The following MAPK10 variants were observed in gnomAD, a reference collection of about 807,000 sequenced individuals.
MAPK10 encodes JNK3 alpha protein kinase.
Under a neutral mutation model 59.3 loss-of-function variants are expected in MAPK10, and 25 were observed. The ratio of observed to expected loss-of-function variants is 0.42; its 90% CI spans 0.31 to 0.59. The LOEUF is 0.59. MAPK10 is among the 20% of genes least tolerant of loss of function. The pLI is 0.15. For missense variants in MAPK10, 351 were observed against 568.9 expected (o/e 0.62, Z 3.90); for synonymous variants, 190 against 200.5 (o/e 0.95, Z 0.44).
chr4:86,037,466 G>A (rs1393116556), intron 11 of MAPK10, among the ~76,000 whole-genome samples: 2 of 151,682 alleles, frequency 1.3e-5, no homozygotes, highest in Admixed American at 1.3e-4. Context: ...CTTGCAGTGA[G>A]CCAAGATCAC....
chr4:86,250,227 T>C (rs77095599), intron 2 of MAPK10, among the ~76,000 whole-genome samples: 10,017 of 152,226 alleles, frequency 0.066, 1,120 homozygotes, highest in African/African-American at 0.23. Flanking sequence ...ATTAAATAAA[T>C]CTGTTTGTCT....
At chr4:86,447,907 C>T (rs1750232871) in intron 1 of MAPK10, among the ~76,000 whole-genome samples, 1 of 152,042 alleles carries the variant, frequency 6.6e-6, no homozygotes, top group African/African-American at 2.4e-5. Context: ...AATGTGTAGC[C>T]TAATGAGAGA....
intron 1 of MAPK10, among the ~76,000 whole-genome samples, chr4:86,536,750 T>C (rs1025767277): frequency 4.6e-5 from 7 of 152,256 alleles, no homozygotes; most frequent in Non-Finnish European, 8.8e-5. Flanking sequence ...TGATTTGATA[T>C]AAGTAAAATT....
chr4:86,298,171 T>C (rs893925937), intron 2 of MAPK10, among the ~76,000 whole-genome samples: 2 of 152,146 alleles, frequency 1.3e-5, no homozygotes, highest in Admixed American at 6.5e-5. Flanking sequence ...TCCACAGCAA[T>C]CCAGATTACC....
At chr4:86,285,882 G>A (rs1469200497) in intron 2 of MAPK10, among the ~76,000 whole-genome samples, 1 of 152,186 alleles carries the variant, frequency 6.6e-6, no homozygotes. Context: ...GAGCTCCAAT[G>A]TCTGAGGGCA....
chr4:86,092,620 G>GATAT (rs34886510), intron 9 of MAPK10, among the ~76,000 whole-genome samples: 12 of 148,890 alleles, frequency 8.1e-5, no homozygotes, highest in Non-Finnish European at 1.5e-4. Context: ...ATATATTAGT[G>GATAT]ATATATATAT....
At chr4:86,559,690 C>T (rs7659829) in intron 1 of MAPK10, among the ~76,000 whole-genome samples, 149,770 of 152,264 alleles carry the variant, frequency 0.98, 73,710 homozygotes, top group East Asian at 1. Context: ...CCCAGCACTT[C>T]GGGAGGCCAA....
At chr4:86,321,242 C>A (rs1451113925) in intron 2 of MAPK10, among the ~76,000 whole-genome samples, 1 of 151,952 alleles carries the variant, frequency 6.6e-6, no homozygotes, top group African/African-American at 2.4e-5. Context: ...TGGGTATATA[C>A]CCAAAGGACT....
chr4:86,474,620 C>T (rs942883612), intron 1 of MAPK10, among the ~76,000 whole-genome samples: 14 of 152,176 alleles, frequency 9.2e-5, no homozygotes, highest in African/African-American at 3.4e-4. Context: ...CATCATCATA[C>T]TTAACCACTT....
intron 1 of MAPK10, among the ~76,000 whole-genome samples, chr4:86,410,086 G>C (rs1744937817): frequency 6.6e-6 from 1 of 152,110 alleles, no homozygotes; most frequent in Non-Finnish European, 1.5e-5. Flanking sequence ...TCAATACCTA[G>C]TTTATTGAGA....
intron 9 of MAPK10, among the ~76,000 whole-genome samples, chr4:86,085,719 T>C (rs1423350253): frequency 6.6e-6 from 1 of 152,152 alleles, no homozygotes; most frequent in Non-Finnish European, 1.5e-5. Flanking sequence ...AGCTACCATA[T>C]GATCTGGCAA....
At chr4:86,248,672 C>T (rs2093253504) in intron 2 of MAPK10, among the ~76,000 whole-genome samples, 1 of 152,126 alleles carries the variant, frequency 6.6e-6, no homozygotes, top group Non-Finnish European at 1.5e-5. Flanking sequence ...CTCTTCTTGC[C>T]CACCTAAACT....
chr4:86,214,573 G>C (rs28839895), intron 2 of MAPK10, among the ~76,000 whole-genome samples: 21,168 of 143,252 alleles, frequency 0.15, 1,543 homozygotes, highest in Middle Eastern at 0.19. Context: ...AAAGCAGCAG[G>C]ATACAAAGTT....
intron 2 of MAPK10, among the ~76,000 whole-genome samples, chr4:86,261,574 C>G (rs1286839668): frequency 6.6e-6 from 1 of 152,108 alleles, no homozygotes; most frequent in Non-Finnish European, 1.5e-5. Context: ...GGAAGTATGT[C>G]AAATATGCTA....
rs753508493 is a variant in MAPK10 at position 86,550,374 on chromosome 4, T to TAAAAAAAAAAA, written c.-263+43525_-263+43535dup. ...CAGAAGGGCTAAGCAGAGCTTCAGT[T>TAAAAAAAAAAA]AAAAAAAAAAAAAAAAAAAAAAAAA... On this transcript the variant is annotated intron_variant, in intron 1 of 4. Transcript: ENST00000502302. Among the ~76,000 whole-genome samples the TAAAAAAAAAAA allele has an allele frequency of 2.8e-4, 22 of 77,388 alleles. 4 individuals carry two copies. The highest frequency in any genetic ancestry group is 3.7e-4 in the Non-Finnish European group (16 of 43,320). The allele number at this position is 77,388 out of a possible 152,430, so 50.8% of individuals were successfully genotyped here.
chr4:86,028,349 C>T (rs1461632749), intron 13 of MAPK10: 1 of 152,176 alleles, frequency 6.6e-6, no homozygotes, highest in East Asian at 1.9e-4. Context: ...AACCGAATTG[C>T]ATCTGTTTGG....
At chr4:86,457,052 A>G (rs972995972), upstream of MAPK10, among the ~76,000 whole-genome samples, 3 of 152,236 alleles carry the variant, frequency 2.0e-5, no homozygotes, top group African/African-American at 7.2e-5. Flanking sequence ...ATCAAAAACA[A>G]AAATCACAAA....
upstream of MAPK10, among the ~76,000 whole-genome samples, chr4:86,362,203 A>G (rs754845937): frequency 9.2e-5 from 14 of 152,162 alleles, no homozygotes; most frequent in Non-Finnish European, 2.1e-4. Flanking sequence ...TTTAAAAGTG[A>G]ATGTCCAGTA....
At chr4:86,219,789 T>G (rs955590648) in intron 2 of MAPK10, 3 of 152,126 alleles carry the variant, frequency 2.0e-5, no homozygotes, top group African/African-American at 7.2e-5. Flanking sequence ...AATATCAATA[T>G]TCTTACATTC....
Sources: gnomAD v4.1 joint callset for allele counts (sites outside exome capture counted in the v4.1 genomes callset) on GRCh38, gnomAD v4.1.1 for gene constraint, MANE v1.5 for transcripts, NCBI Gene and HGNC (gene_info 2026-07-23, HGNC 2026-07-21) for gene names.